Variants in CCSER2 observed in about 807,000 individuals in gnomAD.
CCSER2 encodes the protein serine-rich coiled-coil domain-containing protein 2.
In CCSER2, 46 loss-of-function variants were observed where a neutral mutation model predicts 92.3. That is an observed-to-expected ratio of 0.50 (90% CI 0.39 to 0.64). CCSER2 has a LOEUF of 0.64. Ranked by LOEUF, CCSER2 falls within the 30% of genes least tolerant of loss-of-function variation. The pLI, the probability that CCSER2 is intolerant of heterozygous loss-of-function variation, is 0.00. For synonymous variants in CCSER2, 433 were observed against 431.4 expected (o/e 1.00, Z -0.04); for missense variants, 1,244 against 1,238.9 (o/e 1.00, Z -0.06).
intron 9 of CCSER2, among the ~76,000 whole-genome samples, chr10:84,501,159 G>C (rs769321829): frequency 6.6e-5 from 10 of 151,926 alleles, no homozygotes; most frequent in African/African-American, 7.3e-5. Flanking sequence ...CACCACCTTG[G>C]TAACTCCTCC....
At chr10:84,396,451 A>C (rs1407045609) in intron 3 of CCSER2, among the ~76,000 whole-genome samples, 1 of 151,504 alleles carries the variant, frequency 6.6e-6, no homozygotes, top group African/African-American at 2.4e-5. Flanking sequence ...TACTTACGTT[A>C]GTTGTTTTAG....
intron 6 of CCSER2, among the ~76,000 whole-genome samples, chr10:84,439,189 TTTTC>T (rs1844370439): frequency 3.5e-5 from 2 of 56,396 alleles, no homozygotes; most frequent in East Asian, 6.3e-4. Flanking sequence ...CTGTTTTTTT[TTTTC>T]TTTTCTTTTT....
intron 6 of CCSER2, among the ~76,000 whole-genome samples, chr10:84,457,302 ATATGT>A (rs1564684914): frequency 0.026 from 1,659 of 64,624 alleles, 61 homozygotes; most frequent in Admixed American, 0.083. Context: ...ATTATATATA[ATATGT>A]TATATATAAT....
intron 6 of CCSER2, among the ~76,000 whole-genome samples, chr10:84,444,807 C>A (rs994600670): frequency 5.3e-5 from 8 of 152,272 alleles, no homozygotes; most frequent in Admixed American, 4.6e-4. Flanking sequence ...GGCCTTTGAT[C>A]TTTTATTTGT....
At position 84,332,648 on chromosome 10, in the gene CCSER2, TA is replaced by T. The variant is rs1006517976; in HGVS notation, c.-40+3841del. ...GAGATGGGGTAATCCCTATATTATA[TA>T]TTTTTTTAAAAAATCAGTGTGGCTG... On this transcript the variant is annotated intron_variant, in intron 1 of 9. Coordinates refer to ENST00000372088, the MANE Select transcript of CCSER2 (RefSeq NM_001284240.2). 9.2e-5 allele frequency among the ~76,000 whole-genome samples: 14 copies of T among 151,642 alleles called. No individual in the cohort carries two copies. In the East Asian group the frequency reaches 2.5e-3, roughly 27 times the overall value.
At chr10:84,481,908 G>A (rs565835248) in intron 9 of CCSER2, among the ~76,000 whole-genome samples, 15 of 152,102 alleles carry the variant, frequency 9.9e-5, no homozygotes, top group Non-Finnish European at 4.4e-5. Flanking sequence ...GTCCATTGTA[G>A]TAGCCTGTAG....
chr10:84,510,372 A>G (rs1409760828), intron 9 of CCSER2, among the ~76,000 whole-genome samples: 1 of 152,016 alleles, frequency 6.6e-6, no homozygotes, highest in Non-Finnish European at 1.5e-5. Context: ...TTGTTCCCAT[A>G]TGTTGTTACG....
At chr10:84,452,647 C>T (rs573011519) in intron 6 of CCSER2, among the ~76,000 whole-genome samples, 1 of 152,060 alleles carries the variant, frequency 6.6e-6, no homozygotes, top group African/African-American at 2.4e-5. Flanking sequence ...ATTTTTTGTA[C>T]TATTTTTGCT....
intron 4 of CCSER2, among the ~76,000 whole-genome samples, chr10:84,424,199 T>G (rs369503294): frequency 6.6e-6 from 1 of 151,996 alleles, no homozygotes; most frequent in East Asian, 1.9e-4. Flanking sequence ...AATTTTCTTT[T>G]GCTATCTTAT....
chr10:84,332,732 G>T (rs1001694667), intron 1 of CCSER2, among the ~76,000 whole-genome samples: 1 of 151,744 alleles, frequency 6.6e-6, no homozygotes, highest in Non-Finnish European at 1.5e-5. Flanking sequence ...CGGGAGAATC[G>T]CTTGAGCCTA....
chr10:84,508,919 A>G (rs1215780491), intron 9 of CCSER2, among the ~76,000 whole-genome samples: 2 of 152,240 alleles, frequency 1.3e-5, no homozygotes, highest in Non-Finnish European at 2.9e-5. Context: ...AATGTTTTAC[A>G]TATGTTGTCA....
intron 3 of CCSER2, among the ~76,000 whole-genome samples, chr10:84,388,424 C>T (rs1265910358): frequency 6.6e-6 from 1 of 152,152 alleles, no homozygotes; most frequent in African/African-American, 2.4e-5. Context: ...TTATTTTCCA[C>T]ATTCATTCAT....
At position 84,491,689 on chromosome 10, in the gene CCSER2, G is replaced by A. The variant is rs577731987; in HGVS notation, c.2325+14025G>A. Among the ~76,000 whole-genome samples the A allele has an allele frequency of 2.0e-4, 31 of 152,178 alleles. No individual in the cohort carries two copies. The South Asian group carries it at 6.4e-3, about 32-fold the overall frequency. On this transcript the variant is annotated intron_variant, in intron 9 of 9. Coordinates refer to ENST00000372088, the MANE Select transcript of CCSER2 (RefSeq NM_001284240.2). ...AATTCCTTGACCCCTTGTGCTTCCC[G>A]GGTGAGGGGATGCCTCGCCCTGCTT... is the stretch of plus-strand genomic sequence containing the variant.
chr10:84,425,782 A>T lies in CCSER2; in HGVS notation c.1757A>T (p.Gln586Leu). ...RFDRPDRNVRQPQEGFWKRPP... is the reference protein window; with the variant it reads ...RFDRPDRNVRLPQEGFWKRPP... Reference sequence around the variant, plus strand: ...GACCGACCAGACAGAAATGTTCGGCAGCCTCAGGAAGGTTTTTGGAAAAGG... The same window carrying T: ...GACCGACCAGACAGAAATGTTCGGCTGCCTCAGGAAGGTTTTTGGAAAAGG... Residue 586 changes from glutamine (Q) to leucine (L), a missense_variant, in exon 5 of 10, where the codon CAG (glutamine) becomes CTG (leucine). Transcript: ENST00000372088. The T allele has an allele frequency of 6.2e-7, 1 of 1,613,756 alleles. No homozygotes were observed.
At chr10:84,334,071 T>G (rs992804211) in intron 1 of CCSER2, among the ~76,000 whole-genome samples, 1 of 152,070 alleles carries the variant, frequency 6.6e-6, no homozygotes, top group Non-Finnish European at 1.5e-5. Flanking sequence ...ATGTGACAGC[T>G]GTCAGGGAGG....
chr10:84,340,894 A>C (rs749358023), intron 1 of CCSER2, among the ~76,000 whole-genome samples: 1 of 152,144 alleles, frequency 6.6e-6, no homozygotes, highest in African/African-American at 2.4e-5. Context: ...AGGCTGAACA[A>C]GAGAAGGTCC....
chr10:84,354,848 C>T (rs2133086542), intron 1 of CCSER2, among the ~76,000 whole-genome samples: 1 of 151,402 alleles, frequency 6.6e-6, no homozygotes, highest in Middle Eastern at 3.4e-3. Flanking sequence ...TGCCCTCAAT[C>T]AAAGGCAAAC....
intron 3 of CCSER2, among the ~76,000 whole-genome samples, chr10:84,406,709 A>G (rs960046470): frequency 6.6e-6 from 1 of 152,202 alleles, no homozygotes. Context: ...GTCTATATGG[A>G]TGTTGGCTCC....
At chr10:84,375,090 GA>G (rs1846256456) in intron 3 of CCSER2, among the ~76,000 whole-genome samples, 1 of 152,070 alleles carries the variant, frequency 6.6e-6, no homozygotes, top group African/African-American at 2.4e-5. Flanking sequence ...AAGTGCAAAT[GA>G]AAAAGGTGTC....
Sources: allele counts gnomAD v4.1 joint callset (sites outside exome capture counted in the v4.1 genomes callset), GRCh38; gene constraint gnomAD v4.1.1; transcripts MANE v1.5; gene names NCBI Gene and HGNC (gene_info 2026-07-23, HGNC 2026-07-21).